The following KDM2B variants were observed in gnomAD, a reference collection of about 807,000 sequenced individuals.
KDM2B encodes lysine demethylase 2B, also known as lysine-specific demethylase 2B.
In KDM2B, 26 loss-of-function variants were observed where a neutral mutation model predicts 150.0. The observed-to-expected ratio is 0.17, with a 90% CI of 0.13 to 0.24. KDM2B has a LOEUF of 0.24. Ranked by LOEUF, KDM2B falls within the 10% of genes least tolerant of loss-of-function variation. KDM2B has a pLI of 1.00. For missense variants in KDM2B, 1,265 were observed against 1,816.9 expected (o/e 0.70, Z 5.52); for synonymous variants, 734 against 729.5 (o/e 1.01, Z -0.10).
chr12:121,461,054 A>T (rs1039048294), intron 12 of KDM2B, among the ~76,000 whole-genome samples: 3 of 152,190 alleles, frequency 2.0e-5, no homozygotes, highest in Non-Finnish European at 4.4e-5. Context: ...GGACCCTGGC[A>T]TGCTAACCCA....
At chr12:121,456,499 T>C (rs537183731) in intron 12 of KDM2B, among the ~76,000 whole-genome samples, 5 of 152,116 alleles carry the variant, frequency 3.3e-5, no homozygotes, top group Non-Finnish European at 7.4e-5. Context: ...AGGTGTGAAG[T>C]GGCCAGCGTG....
At chr12:121,454,309 G>C (rs1438481441) in intron 12 of KDM2B, among the ~76,000 whole-genome samples, 1 of 152,224 alleles carries the variant, frequency 6.6e-6, no homozygotes, top group African/African-American at 2.4e-5. Context: ...GGATGGGATA[G>C]TAACCTTTAG....
In KDM2B at chr12:121,442,602, T is replaced by C. The variant is rs782759467; in HGVS notation, c.2839A>G (p.Ser947Gly). The change falls in exon 19 of 23, where the codon AGC (serine) becomes GGC (glycine). Residue 947 changes from serine to glycine, a missense_variant. This residue lies in a region of KDM2B where 418 missense variants were observed against 402.4 expected (regional missense o/e 1.04). Coordinates refer to ENST00000377071, the MANE Select transcript of KDM2B (RefSeq NM_032590.5). The surrounding 1 kb of genome is among the most constrained non-coding windows in gnomAD (Gnocchi z 7.7). Reference protein sequence around the residue: ...RKRRLPNKELSRELSKELNHE... With the variant: ...RKRRLPNKELGRELSKELNHE... ...TTGAGCTCCTTGCTCAGCTCCCTGC[T>C]CAGCTCCTTGTTGGGAAGCCGCCGC... The C allele has an allele frequency of 6.2e-7, 1 of 1,602,272 alleles. No individual in the cohort carries two copies. The highest frequency in any genetic ancestry group is 2.2e-5 in the East Asian group (1 of 44,842).
intron 1 of KDM2B, chr12:121,580,467 G>A (rs1891888230): frequency 1.7e-6 from 2 of 1,175,790 alleles, no homozygotes; most frequent in African/African-American, 3.2e-5. Context: ...TGGGTCACGA[G>A]TGCGCCTCTG....
Position 121,578,012 on chromosome 12 carries a change from T to C in KDM2B, c.271+790A>G, listed in dbSNP as rs547975166. ...AGGCGTCCCCAGATTCCGCTCTCAA[T>C]TGGGTGGGCCCACAAGGAACAGAGC... On this transcript the variant is annotated intron_variant, in intron 2 of 22. Coordinates refer to ENST00000377071, the MANE Select transcript of KDM2B (RefSeq NM_032590.5). Among the ~76,000 whole-genome samples the C allele has an allele frequency of 3.4e-4, 51 of 152,218 alleles. 1 individual carries two copies. In the South Asian group the frequency reaches 0.011, roughly 32 times the overall value.
the KDM2B span, among the ~76,000 whole-genome samples, chr12:121,413,757 T>C: frequency 6.6e-6 from 1 of 151,904 alleles, no homozygotes; most frequent in South Asian, 2.1e-4. Flanking sequence ...TTTGTATTTT[T>C]AGTAGAGACA....
In KDM2B at chr12:121,429,834, G is replaced by C. The variant is rs1044255588; in HGVS notation, c.*454C>G. Reference sequence around the variant, plus strand: ...ACAAAAATAGTTCTGCATAATGTAAGATGTAACAAAACCAACCAAACAAAA... The same window carrying C: ...ACAAAAATAGTTCTGCATAATGTAACATGTAACAAAACCAACCAAACAAAA... On this transcript the variant is annotated 3_prime_UTR_variant, in exon 23 of 23. Coordinates refer to ENST00000377071, the MANE Select transcript of KDM2B (RefSeq NM_032590.5). The C allele has an allele frequency of 8.8e-6, 5 of 568,926 alleles. No individual in the cohort carries two copies. The highest frequency in any genetic ancestry group is 1.6e-5 in the Non-Finnish European group (5 of 321,834). 35.2% of individuals were successfully genotyped at this position (568,926 alleles called of 1,614,324 possible).
chr12:121,480,706 G>T (rs1220501652), intron 12 of KDM2B, among the ~76,000 whole-genome samples: 1 of 151,784 alleles, frequency 6.6e-6, no homozygotes, highest in Non-Finnish European at 1.5e-5. Context: ...AGGAGACAGG[G>T]TTGCAGTGAG....
chr12:121,459,507 CA>C, intron 12 of KDM2B, among the ~76,000 whole-genome samples: 1 of 151,858 alleles, frequency 6.6e-6, no homozygotes, highest in African/African-American at 2.4e-5. Context: ...GCACAGGTGT[CA>C]AAAAAAAGAT....
In KDM2B at chr12:121,509,707, A is replaced by G; in HGVS notation, c.1507T>C (p.Ser503Pro). ...TPTGSPATEV[S>P]AKWTHLTEFE... ...TCAGTGAGATGGGTCCATTTGGCAG[A>G]GACCTCCGTGGCGGGAGAGCCGGTG... The change falls in exon 11 of 23, where the codon TCT becomes CCT. Residue 503 changes from serine to proline, a missense_variant. Coordinates refer to ENST00000377071, the MANE Select transcript of KDM2B (RefSeq NM_032590.5). 1 of 1,614,116 alleles carries G rather than the reference A, an allele frequency of 6.2e-7. No individual in the cohort carries two copies. Among genetic ancestry groups the G allele is most frequent in the Non-Finnish European group, 8.5e-7 (1 of 1,180,032 alleles).
intron 12 of KDM2B, among the ~76,000 whole-genome samples, chr12:121,472,038 G>A (rs1490830995): frequency 4.6e-5 from 7 of 152,084 alleles, no homozygotes; most frequent in East Asian, 1.9e-4. Flanking sequence ...CAGGAGAATC[G>A]CTTGAGCCTG....
In KDM2B at chr12:121,444,256, C is replaced by T; in HGVS notation, c.2207G>A (p.Gly736Asp). 1 of 1,613,952 alleles carries T rather than the reference C, an allele frequency of 6.2e-7. No homozygotes were observed. The highest frequency in any genetic ancestry group is 2.2e-5 in the East Asian group (1 of 44,882). ...GKTGKQKRGPGFKYASNLPGS... is the reference protein window; with the variant it reads ...GKTGKQKRGPDFKYASNLPGS... The stretch of plus-strand genomic sequence containing the variant: ...GGGCAGGTTGGAGGCGTACTTAAAG[C>T]CAGGGCCACGCTTTTGCTTGTAGGC... Residue 736 changes from glycine to aspartate, a missense_variant, in exon 16 of 23, where the codon GGC (glycine) becomes GAC (aspartate). By Grantham distance (94) the Gly-to-Asp change is moderately conservative. This residue lies in a region of KDM2B where 38 missense variants were observed against 98.1 expected (regional missense o/e 0.39). Coordinates refer to ENST00000377071, the MANE Select transcript of KDM2B (RefSeq NM_032590.5).
rs539022165 is a variant in KDM2B, at chr12:121,558,803, A to C, written c.398-9165T>G. 3.0e-4 allele frequency among the ~76,000 whole-genome samples: 46 copies of C among 152,126 alleles called. No homozygotes were observed. In the South Asian group the frequency reaches 4.6e-3, roughly 15 times the overall value. On this transcript the variant is annotated intron_variant, in intron 4 of 22. Transcript: ENST00000377071. ...ATGGGGTTTAGCCATGTTGGCCAGG[A>C]TGGTCTCGAATTCCTGACCTCAAGT... is the stretch of plus-strand genomic sequence containing the variant.
intron 12 of KDM2B, chr12:121,494,347 C>T (rs1337001534): frequency 1.7e-5 from 8 of 463,732 alleles, no homozygotes; most frequent in African/African-American, 1.4e-4. Flanking sequence ...CAGCACCCCC[C>T]AGTTTTCCAA....
In KDM2B at chr12:121,430,669, G is replaced by A; in HGVS notation, c.3830-200C>T. On this transcript the variant is annotated intron_variant, in intron 22 of 22. Transcript: ENST00000377071. This position sits in a 1 kb window ranked among gnomAD's most constrained non-coding sequence, Gnocchi z 4.4. ...AAGGGTCTCACCCGCCAGGTATAAA[G>A]GTTAATATATGCCTCAAAAGCATTC... is the stretch of plus-strand genomic sequence containing the variant. The A allele has an allele frequency of 1.7e-6, 1 of 589,710 alleles. No homozygotes were observed. The highest frequency in any genetic ancestry group is 3.0e-6 in the Non-Finnish European group (1 of 331,484). The allele number at this position is 589,710 out of a possible 1,614,324, so 36.5% of individuals were successfully genotyped here. A position where few individuals can be genotyped will look rare whatever the true frequency, so the allele number is the denominator to read the frequency against.
At chr12:121,534,789 A>C (rs1887956564) in intron 6 of KDM2B, 199 bp from the exon 7 acceptor site, 181 of 540,174 alleles carry the variant, frequency 3.4e-4, no homozygotes, top group East Asian at 5.7e-4. Flanking sequence ...GACAAATCTC[A>C]AGCACTGGTC....
rs1363363477 is a variant in KDM2B, at chr12:121,453,713, G to C, written c.1735-369C>G. ...AGCACATACCAGGAGCTGGAGGCGCGGGGAAGGACCCTCCCCTAGAGCCCG... is the reference window on the plus strand; with the variant it reads ...AGCACATACCAGGAGCTGGAGGCGCCGGGAAGGACCCTCCCCTAGAGCCCG... On this transcript the variant is annotated intron_variant, in intron 12 of 22. Coordinates refer to ENST00000377071, the MANE Select transcript of KDM2B (RefSeq NM_032590.5). This position sits in a 1 kb window ranked among gnomAD's most constrained non-coding sequence, Gnocchi z 6.4. Among the ~76,000 whole-genome samples the C allele has an allele frequency of 6.6e-6, 1 of 152,158 alleles. No homozygotes were observed. Among genetic ancestry groups the C allele is most frequent in the African/African-American group, 2.4e-5 (1 of 41,426 alleles).
intron 6 of KDM2B, among the ~76,000 whole-genome samples, chr12:121,536,410 C>T (rs1888101546): frequency 6.6e-6 from 1 of 152,236 alleles, no homozygotes; most frequent in South Asian, 2.1e-4. Flanking sequence ...CGAAGACAGG[C>T]GCGGGCTGCG....
intron 12 of KDM2B, among the ~76,000 whole-genome samples, chr12:121,461,200 TATTCTAGG>T (rs1295042837): frequency 6.6e-6 from 1 of 152,126 alleles, no homozygotes; most frequent in Non-Finnish European, 1.5e-5. Context: ...ACGAAGTGGA[TATTCTAGG>T]CAGAAGGAAG....
Sources: gnomAD v4.1 joint callset for allele counts (sites outside exome capture counted in the v4.1 genomes callset) on GRCh38, gnomAD v4.1.1 for gene constraint, gnomAD v4.1.1 regional missense constraint, Gnocchi (gnomAD v3.1) non-coding constraint, MANE v1.5 for transcripts, NCBI Gene and HGNC (gene_info 2026-07-23, HGNC 2026-07-21) for gene names.